Variants in USH2A observed in about 807,000 individuals in gnomAD.
The protein encoded by USH2A is usherin.
In USH2A, 443 loss-of-function variants were observed where a neutral mutation model predicts 538.9. The observed-to-expected ratio is 0.82, with a 90% CI of 0.76 to 0.89. The LOEUF (loss-of-function observed/expected upper bound fraction) is 0.89. Among genes scored for constraint, USH2A ranks in the 40% least tolerant of loss-of-function variants. USH2A has a pLI of 0.00. For synonymous variants in USH2A, 2,413 were observed against 2,273.5 expected, an observed-to-expected ratio of 1.06 and a Z score of -1.75; for missense variants, 6,633 against 6,324.8, an observed-to-expected ratio of 1.05 and a Z score of -1.65.
chr1:215,704,118 C>G (rs1659113030), intron 61 of USH2A, among the ~76,000 whole-genome samples: 1 of 152,218 alleles, frequency 6.6e-6, no homozygotes, highest in Non-Finnish European at 1.5e-5. Context: ...CCCCACCCTG[C>G]TTCTGCGCCT....
At chr1:216,086,623 A>G (rs1326393096) in intron 24 of USH2A, 96 bp downstream of exon 24, 1 of 1,048,314 alleles carries the variant, frequency 9.5e-7, no homozygotes, top group Non-Finnish European at 1.4e-6. Context: ...ATATAGCATG[A>G]GGTAGAACAT....
chr1:216,368,505 G>A (rs548009718), intron 3 of USH2A, among the ~76,000 whole-genome samples: 113 of 152,244 alleles, frequency 7.4e-4, no homozygotes, highest in Non-Finnish European at 1.4e-3. Flanking sequence ...TGGACAAATG[G>A]TAATCCCATT....
intron 21 of USH2A, among the ~76,000 whole-genome samples, chr1:216,146,537 A>G (rs2033708166): frequency 6.6e-6 from 1 of 150,730 alleles, no homozygotes; most frequent in East Asian, 2.0e-4. Flanking sequence ...AGGGGCAAGT[A>G]CCCCTCAACC....
rs45549044 is a variant in USH2A at position 215,671,031 on chromosome 1, C to T, written c.14074G>A (p.Gly4692Arg). 6.5e-3 allele frequency: 10,458 copies of T among 1,614,064 alleles called. 41 individuals are homozygous for T. The highest frequency in any genetic ancestry group is 7.9e-3 in the Non-Finnish European group (9,368 of 1,180,002). ...GAATCTATAAAAGATGTTGAGCTTCCGTTATAGATTAGGACTGGATTGGAT... is the reference window on the plus strand; with the variant it reads ...GAATCTATAAAAGATGTTGAGCTTCTGTTATAGATTAGGACTGGATTGGAT... ...RKSNPVLIYN[G>R]SSTSFIDSEL... Residue 4692 changes from glycine to arginine, a missense_variant, in exon 64 of 72, where the codon GGA (glycine) becomes AGA (arginine). Coordinates refer to ENST00000307340, the MANE Select transcript of USH2A (RefSeq NM_206933.4).
At chr1:216,121,009 G>C (rs898153860) in intron 21 of USH2A, among the ~76,000 whole-genome samples, 3 of 152,098 alleles carry the variant, frequency 2.0e-5, no homozygotes, top group Non-Finnish European at 4.4e-5. Flanking sequence ...TTAAAAAAAT[G>C]AGTTTTATGG....
At chr1:215,811,456 T>G (rs183921027) in intron 49 of USH2A, among the ~76,000 whole-genome samples, 1 of 152,286 alleles carries the variant, frequency 6.6e-6, no homozygotes, top group Non-Finnish European at 1.5e-5. Flanking sequence ...GACCAGCTAG[T>G]ATCACCCAGA....
At position 215,965,321 on chromosome 1, in the gene USH2A, G is replaced by T. The variant is rs1231801568; in HGVS notation, c.7116C>A (p.Asp2372Glu). ...TAGAAAATAAAAACAAATTACCTGG[G>T]TCTACATAGAATATCCCAGTGAAAA... is the stretch of plus-strand genomic sequence containing the variant. ...SVLFTGIFYV[D>E]PVGNNYTLLN... The change falls in exon 37 of 72, where the codon GAC becomes GAA. Residue 2372 changes from aspartate (D) to glutamate (E), a missense_variant. Asp to Glu is a conservative substitution (Grantham distance 45). Transcript: ENST00000307340. 1.9e-6 allele frequency: 3 copies of T among 1,613,284 alleles called. No individual in the cohort carries two copies. Among genetic ancestry groups the T allele is most frequent in the East Asian group, 2.2e-5 (1 of 44,868 alleles).
chr1:215,791,641 T>C (rs1661985191), intron 50 of USH2A, among the ~76,000 whole-genome samples: 1 of 152,214 alleles, frequency 6.6e-6, no homozygotes, highest in Non-Finnish European at 1.5e-5. Context: ...CTCTTCGAAG[T>C]AATTGGTTTA....
chr1:215,685,678 G>T (rs1276358314), intron 61 of USH2A, among the ~76,000 whole-genome samples: 1 of 120,356 alleles, frequency 8.3e-6, no homozygotes, highest in African/African-American at 3.0e-5. Flanking sequence ...TCTTGATACA[G>T]AAATTATTAT....
chr1:215,987,942 T>A (rs938464047), intron 35 of USH2A, among the ~76,000 whole-genome samples: 75 of 3,396 alleles, frequency 0.022, no homozygotes, highest in African/African-American at 0.089. Context: ...AATCAGCAAT[T>A]TTTTTTTGTT....
In USH2A at chr1:216,325,412, T is replaced by G. The variant is rs369522997; in HGVS notation, c.1036A>C (p.Asn346His). Residue 346 changes from asparagine to histidine, a missense_variant, in exon 6 of 72, where the codon AAT (asparagine) becomes CAT (histidine). Transcript: ENST00000307340. ...NPEAHPLSFV[N>H]DNDVGTSWVS... is the part of the protein sequence containing the mutation. ...CATGAAGTACCAACATCATTATCAT[T>G]GACAAAAGAGAGAGGATGGGCTTCA... 6.7e-5 allele frequency: 108 copies of G among 1,613,808 alleles called. No homozygotes were observed. Among genetic ancestry groups the G allele is most frequent in the Non-Finnish European group, 8.5e-5 (100 of 1,179,918 alleles).
chr1:215,639,092 CAT>C (rs1051217402), intron 69 of USH2A, 61 bp downstream of exon 69: 18 of 1,476,904 alleles, frequency 1.2e-5, no homozygotes, highest in Non-Finnish European at 1.5e-5. Flanking sequence ...TATAAACAAA[CAT>C]ATGTGTGTTT....
rs191395623 is a variant in USH2A, at chr1:216,130,347, G to A, written c.4628-33134C>T. On this transcript the variant is annotated intron_variant, in intron 21 of 71. Coordinates refer to ENST00000307340, the MANE Select transcript of USH2A (RefSeq NM_206933.4). ...CCCCTGAGTCACCAAAGTCCATTGT[G>A]TTATTCTTATGCCTTTGCATTATCA... Among the ~76,000 whole-genome samples the A allele has an allele frequency of 9.2e-5, 14 of 151,622 alleles. No homozygotes were observed. The East Asian group carries it at 2.1e-3, about 23-fold the overall frequency.
rs536235632 is a variant in USH2A at position 216,017,830 on chromosome 1, A to G, written c.6326-17268T>C. Among the ~76,000 whole-genome samples the G allele has an allele frequency of 6.6e-5, 10 of 152,336 alleles. No individual in the cohort carries two copies. In the South Asian group the frequency reaches 1.9e-3, roughly 28 times the overall value. On this transcript the variant is annotated intron_variant, in intron 32 of 71. Coordinates refer to ENST00000307340, the MANE Select transcript of USH2A (RefSeq NM_206933.4). ...AGAATGGTTCTCAATGAAAACCTAT[A>G]ATCAATCCTTAAATATTATTTTAAT... is the stretch of plus-strand genomic sequence containing the variant.
chr1:216,243,293 A>T (rs1449070531), intron 13 of USH2A, among the ~76,000 whole-genome samples: 1 of 152,208 alleles, frequency 6.6e-6, no homozygotes, highest in African/African-American at 2.4e-5. Context: ...TTAAAAAATG[A>T]TAATAATGGG....
At chr1:216,156,632 C>G (rs1418564624) in intron 21 of USH2A, among the ~76,000 whole-genome samples, 1 of 152,136 alleles carries the variant, frequency 6.6e-6, no homozygotes, top group Non-Finnish European at 1.5e-5. Flanking sequence ...CTACTGATTT[C>G]TGTCACCACT....
intron 61 of USH2A, among the ~76,000 whole-genome samples, chr1:215,703,431 G>A (rs956450339): frequency 1.3e-5 from 2 of 152,186 alleles, no homozygotes; most frequent in Non-Finnish European, 2.9e-5. Context: ...CTTCCCTCAG[G>A]TGCTCTGTCC....
At chr1:216,289,139 A>G in intron 11 of USH2A, 141 bp downstream of exon 11, 3 of 1,286,930 alleles carry the variant, frequency 2.3e-6, no homozygotes, top group Non-Finnish European at 3.3e-6. Flanking sequence ...GTTGCACACG[A>G]ACAACCATCT....
intron 58 of USH2A, among the ~76,000 whole-genome samples, chr1:215,758,225 G>A (rs1379863292): frequency 6.6e-6 from 1 of 151,314 alleles, no homozygotes; most frequent in Non-Finnish European, 1.5e-5. Context: ...GTCGGAGGTT[G>A]TGGTGAGCTG....
Sources: allele counts gnomAD v4.1 joint callset (sites outside exome capture counted in the v4.1 genomes callset), GRCh38; gene constraint gnomAD v4.1.1; transcripts MANE v1.5; gene names NCBI Gene and HGNC (gene_info 2026-07-23, HGNC 2026-07-21).